The following PDE4C variants were observed in gnomAD, a reference collection of about 807,000 sequenced individuals.
PDE4C encodes the protein phosphodiesterase 4C.
A neutral mutation model predicts 63.9 loss-of-function variants in PDE4C; 50 were observed. The ratio of observed to expected loss-of-function variants is 0.78; its 90% confidence interval spans 0.62 to 0.99. The LOEUF (loss-of-function observed/expected upper bound fraction) is 0.99, where lower values mean the gene tolerates loss of function less well. Ranked by LOEUF, PDE4C falls within the 50% of genes least tolerant of loss-of-function variation. PDE4C has a pLI of 0.00. For synonymous variants in PDE4C, 377 were observed against 385.1 expected (o/e 0.98, Z 0.25); for missense variants, 777 against 899.1 (o/e 0.86, Z 1.74).
chr19:18,233,182 G>T (rs1437974889), exon 1 of PDE4C: 1 of 1,558,728 alleles, frequency 6.4e-7, no homozygotes, highest in Admixed American at 1.9e-5. Flanking sequence ...CCGACCCCCA[G>T]GTTCTCCATG....
At chr19:18,210,823 G>A in exon 15 of PDE4C, 1 of 1,495,804 alleles carries the variant, frequency 6.7e-7, no homozygotes, top group Non-Finnish European at 8.9e-7. Flanking sequence ...TAAATGGGTG[G>A]GAAAGTGAAG....
At chr19:18,253,184 G>A (rs1185016959), upstream of PDE4C, among the ~76,000 whole-genome samples, 1 of 152,108 alleles carries the variant, frequency 6.6e-6, no homozygotes, top group Non-Finnish European at 1.5e-5. Flanking sequence ...TTTCTTTTCT[G>A]TAAAATGGAG....
At chr19:18,219,117 G>C in intron 8 of PDE4C, 79 bp from the exon 9 acceptor site, 1 of 1,576,198 alleles carries the variant, frequency 6.3e-7, no homozygotes, top group South Asian at 1.1e-5. Flanking sequence ...TCCCACCCCA[G>C]GTTCCACAGT....
chr19:18,234,650 C>T (rs1347982500), upstream of PDE4C, among the ~76,000 whole-genome samples: 2 of 152,110 alleles, frequency 1.3e-5, no homozygotes, highest in Non-Finnish European at 2.9e-5. Flanking sequence ...TAGGGTGCCT[C>T]TTGCTGCATC....
chr19:18,242,798 A>AC (rs1337200893), intron 1 of PDE4C, among the ~76,000 whole-genome samples: 1 of 151,172 alleles, frequency 6.6e-6, no homozygotes, highest in Middle Eastern at 3.2e-3. Flanking sequence ...AAAAAAAAAA[A>AC]AAAAAGGGAA....
chr19:18,234,557 T>C (rs79867280), upstream of PDE4C, among the ~76,000 whole-genome samples: 3,477 of 151,938 alleles, frequency 0.023, 126 homozygotes, highest in African/African-American at 0.08. Context: ...CAGAAAGAGG[T>C]GAGATTTTGT....
rs190240190 is a variant in PDE4C at position 18,220,569 on chromosome 19, C to T, written c.500-54G>A. The T allele has an allele frequency of 6.8e-7, 1 of 1,461,340 alleles. No homozygotes were observed. The highest frequency in any genetic ancestry group is 9.5e-7 in the Non-Finnish European group (1 of 1,055,148). 90.5% of individuals were successfully genotyped at this position (1,461,340 alleles called of 1,614,324 possible). A position where few individuals can be genotyped will look rare whatever the true frequency, so the allele number is the denominator to read the frequency against. ...CCAACCCCCCCGCTCAGGGACCCCA[C>T]GCCTCTCGCGACTTCGTCTCTTCAT... is the stretch of plus-strand genomic sequence containing the variant. On this transcript the variant is annotated intron_variant, in intron 5 of 14. Coordinates refer to ENST00000262805, the Ensembl canonical transcript of PDE4C. This position sits in a 1 kb window ranked among gnomAD's most constrained non-coding sequence, Gnocchi z 5.1.
At chr19:18,213,317 A>G in intron 13 of PDE4C, 51 bp downstream of exon 13, 1 of 1,495,118 alleles carries the variant, frequency 6.7e-7, no homozygotes. Context: ...AAATAAATAA[A>G]GTAAAACCAA....
At chr19:18,241,497 G>A (rs1386573571) in intron 1 of PDE4C, among the ~76,000 whole-genome samples, 1 of 151,802 alleles carries the variant, frequency 6.6e-6, no homozygotes, top group East Asian at 1.9e-4. Flanking sequence ...TCGATCTCCT[G>A]ACCTCATGAT....
chr19:18,246,947 A>ACAG (rs1969144738), intron 1 of PDE4C, among the ~76,000 whole-genome samples: 1 of 151,822 alleles, frequency 6.6e-6, no homozygotes, highest in Non-Finnish European at 1.5e-5. Flanking sequence ...CAAAACAACA[A>ACAG]CAGAAACCAC....
At chr19:18,249,028 T>TA (rs35271467), upstream of PDE4C, among the ~76,000 whole-genome samples, 81,175 of 136,146 alleles carry the variant, frequency 0.6, 23,636 homozygotes, top group East Asian at 0.66. Context: ...TCCATCTTAT[T>TA]AAAAAAAAAA....
chr19:18,220,916 G>A lies in PDE4C; in HGVS notation c.457C>T (p.Pro153Ser), dbSNP rs1008223231. 6.2e-6 allele frequency: 10 copies of A among 1,604,778 alleles called. No homozygotes were observed. The East Asian group carries it at 6.7e-5, about 11-fold the overall frequency. Residue 153 changes from proline (P) to serine (S), a missense_variant, in exon 5 of 15, where the codon CCC becomes TCC. Transcript: ENST00000262805. This position sits in a 1 kb window ranked among gnomAD's most constrained non-coding sequence, Gnocchi z 5.1. ...TTGCTGGATGAAGGGTTTCCGACGG[G>A]TCCCTGCCTGCGGTACAGCAGCCTC... is the stretch of plus-strand genomic sequence containing the variant.
intron 12 of PDE4C, among the ~76,000 whole-genome samples, chr19:18,215,044 C>A (rs1568663275): frequency 6.6e-6 from 1 of 151,818 alleles, no homozygotes; most frequent in Non-Finnish European, 1.5e-5. Flanking sequence ...GAGAGTCAGA[C>A]AAAAGTCTCA....
chr19:18,228,915 T>G (rs1376168225), upstream of PDE4C, among the ~76,000 whole-genome samples: 1 of 151,990 alleles, frequency 6.6e-6, no homozygotes, highest in African/African-American at 2.4e-5. Context: ...CTTTATTTAT[T>G]TTATTTTATT....
chr19:18,221,885 C>T (rs553137596), intron 2 of PDE4C, among the ~76,000 whole-genome samples: 39 of 152,298 alleles, frequency 2.6e-4, no homozygotes, highest in Non-Finnish European at 3.5e-4. Context: ...CTCGGCCTCC[C>T]AAAGTGTTGA....
chr19:18,220,587 CTCT>C lies in PDE4C; in HGVS notation c.500-75_500-73del. ...GACCCCACGCCTCTCGCGACTTCGT[CTCT>C]TCATCTGGACCCTGAAACTGTTCCC... On this transcript the variant is annotated intron_variant, in intron 5 of 14. Transcript: ENST00000262805. This position sits in a 1 kb window ranked among gnomAD's most constrained non-coding sequence, Gnocchi z 5.1. The C allele has an allele frequency of 7.6e-7, 1 of 1,323,918 alleles. No homozygotes were observed. Among genetic ancestry groups the C allele is most frequent in the Non-Finnish European group, 1.1e-6 (1 of 942,618 alleles). The allele number at this position is 1,323,918 out of a possible 1,614,324, so 82.0% of individuals were successfully genotyped here.
At chr19:18,249,976 G>C (rs1174712336), upstream of PDE4C, 7 of 396,732 alleles carry the variant, frequency 1.8e-5, no homozygotes, top group Non-Finnish European at 2.7e-5. Flanking sequence ...CCAGCACATA[G>C]TAGGTGCTCA....
chr19:18,235,075 G>C (rs1411213770), upstream of PDE4C, among the ~76,000 whole-genome samples: 3 of 152,174 alleles, frequency 2.0e-5, no homozygotes, highest in African/African-American at 7.2e-5. Flanking sequence ...AGGACTAAAA[G>C]TGATGCCAGA....
chr19:18,250,766 C>T (rs1412407637), upstream of PDE4C, among the ~76,000 whole-genome samples: 2 of 150,040 alleles, frequency 1.3e-5, no homozygotes, highest in African/African-American at 5.0e-5. Context: ...ACCACCATGC[C>T]TGGACAATTT....
Sources: allele counts gnomAD v4.1 joint callset (sites outside exome capture counted in the v4.1 genomes callset), GRCh38; gene constraint gnomAD v4.1.1; non-coding constraint Gnocchi (gnomAD v3.1); transcripts MANE v1.5; gene names NCBI Gene and HGNC (gene_info 2026-07-23, HGNC 2026-07-21).